DIP2B: variants seen among roughly 807,000 people sequenced by gnomAD.
DIP2B encodes the protein disco-interacting protein 2 homolog B.
Under a neutral mutation model 198.0 loss-of-function variants are expected in DIP2B, and 76 were observed. The ratio of observed to expected loss-of-function variants is 0.38; its 90% CI spans 0.32 to 0.46. The LOEUF (loss-of-function observed/expected upper bound fraction) is 0.46, where lower values mean the gene tolerates loss of function less well. DIP2B is among the 20% of genes least tolerant of loss of function. DIP2B has a pLI of 0.99. For synonymous variants in DIP2B, 701 were observed against 739.1 expected, an observed-to-expected ratio of 0.95 and a Z score of 0.84; for missense variants, 1,559 against 1,978.4, an observed-to-expected ratio of 0.79 and a Z score of 4.02.
intron 1 of DIP2B, among the ~76,000 whole-genome samples, chr12:50,519,226 G>A (rs1364595312): frequency 6.6e-6 from 1 of 152,120 alleles, no homozygotes; most frequent in Non-Finnish European, 1.5e-5. Flanking sequence ...CTTCATACCA[G>A]TATAACTACT....
intron 2 of DIP2B, among the ~76,000 whole-genome samples, chr12:50,638,231 C>G (rs1226575525): frequency 6.6e-6 from 1 of 152,182 alleles, no homozygotes; most frequent in African/African-American, 2.4e-5. Context: ...ATTTGTGAGT[C>G]TGGCAGCTTC....
At position 50,516,702 on chromosome 12, in the gene DIP2B, C is replaced by T. The variant is rs144295385; in HGVS notation, c.100+11462C>T. On this transcript the variant is annotated intron_variant, in intron 1 of 37. Transcript: ENST00000301180. ...AAAAATATTTTGTTTTGGCCGGACA[C>T]GGTGGCTCATGCTTATAATCCCAGC... Among the ~76,000 whole-genome samples, 721 of 151,790 alleles carry T rather than the reference C, an allele frequency of 4.7e-3. 8 individuals are homozygous for T. The highest frequency in any genetic ancestry group is 0.016 in the African/African-American group (679 of 41,436).
At chr12:50,626,359 A>T (rs116812844) in intron 2 of DIP2B, among the ~76,000 whole-genome samples, 11 of 152,232 alleles carry the variant, frequency 7.2e-5, no homozygotes, top group African/African-American at 2.4e-4. Context: ...CATCGTATTT[A>T]TGATGGTGCA....
At chr12:50,514,447 C>T (rs1470885162) in intron 1 of DIP2B, among the ~76,000 whole-genome samples, 1 of 152,164 alleles carries the variant, frequency 6.6e-6, no homozygotes. Context: ...GCAGACTCAT[C>T]TGTATCAGTT....
At chr12:50,732,908 CTTTT>C (rs889363693) in intron 32 of DIP2B, among the ~76,000 whole-genome samples, 1 of 146,782 alleles carries the variant, frequency 6.8e-6, no homozygotes, top group Non-Finnish European at 1.5e-5. Flanking sequence ...TTTCCTTTTT[CTTTT>C]TTTTTTTATT....
Position 50,505,106 on chromosome 12 carries a change from C to T in DIP2B, c.-35C>T, listed in dbSNP as rs548459577. The T allele has an allele frequency of 5.0e-5, 77 of 1,524,900 alleles. 2 individuals are homozygous for T. The South Asian group carries it at 8.7e-4, about 17-fold the overall frequency. 94.5% of individuals were successfully genotyped at this position (1,524,900 alleles called of 1,614,324 possible). The stretch of plus-strand genomic sequence containing the variant: ...CTGTCCGTCCCTCCTTCGGCCCCCT[C>T]TCTTGTCTTCCGGAGTGTGGCTGGC... On this transcript the variant is annotated 5_prime_UTR_variant, in exon 1 of 38. Coordinates refer to ENST00000301180, the MANE Select transcript of DIP2B (RefSeq NM_173602.3).
intron 2 of DIP2B, among the ~76,000 whole-genome samples, chr12:50,638,686 A>G (rs898782713): frequency 2.0e-5 from 3 of 152,112 alleles, no homozygotes; most frequent in African/African-American, 7.2e-5. Context: ...AACCATGGTC[A>G]GGGAATGATT....
In DIP2B at chr12:50,677,089, A is replaced by G. The variant is rs574173440; in HGVS notation, c.917-1590A>G. Among the ~76,000 whole-genome samples the G allele has an allele frequency of 4.6e-5, 7 of 152,316 alleles. No individual in the cohort carries two copies. The South Asian group carries it at 1.4e-3, about 32-fold the overall frequency. ...TTTGCCCATCTAAGATTTGTTGCTC[A>G]TTCTGTCCCTTCTCCCTTCCGTGCC... is the stretch of plus-strand genomic sequence containing the variant. On this transcript the variant is annotated intron_variant, in intron 7 of 37. Transcript: ENST00000301180.
At chr12:50,572,580 T>G (rs1958624012) in intron 1 of DIP2B, among the ~76,000 whole-genome samples, 1 of 152,184 alleles carries the variant, frequency 6.6e-6, no homozygotes, top group African/African-American at 2.4e-5. Context: ...AGGCTCAGTT[T>G]TGTTGAAGGG....
chr12:50,611,443 T>G (rs917720064), intron 1 of DIP2B, among the ~76,000 whole-genome samples: 2 of 152,226 alleles, frequency 1.3e-5, no homozygotes, highest in African/African-American at 2.4e-5. Context: ...GTTTAACATT[T>G]ATTCTTTTGC....
chr12:50,709,415 G>A (rs1214413793), intron 22 of DIP2B, among the ~76,000 whole-genome samples: 4 of 151,914 alleles, frequency 2.6e-5, no homozygotes, highest in Non-Finnish European at 5.9e-5. Flanking sequence ...GGCGGATCAC[G>A]AGGTCAGGAG....
At chr12:50,740,806 GAAA>G (rs1454570733) in intron 36 of DIP2B, among the ~76,000 whole-genome samples, 1 of 152,124 alleles carries the variant, frequency 6.6e-6, no homozygotes, top group Non-Finnish European at 1.5e-5. Flanking sequence ...AAGCTACCTA[GAAA>G]AAATGACACT....
chr12:50,711,997 A>AGAG (rs1416447330), intron 22 of DIP2B, among the ~76,000 whole-genome samples: 1 of 152,114 alleles, frequency 6.6e-6, no homozygotes, highest in African/African-American at 2.4e-5. Flanking sequence ...CCTTTGCTCT[A>AGAG]CAAAGAATAA....
chr12:50,643,333 G>A (rs2139490071), intron 3 of DIP2B, among the ~76,000 whole-genome samples: 1 of 151,148 alleles, frequency 6.6e-6, no homozygotes, highest in South Asian at 2.1e-4. Flanking sequence ...GCTGACTGTG[G>A]AGATTGTTGG....
intron 3 of DIP2B, among the ~76,000 whole-genome samples, chr12:50,643,405 C>CTGTGTGTGTGTGTGTGTGTGTG (rs57483938): frequency 4.6e-5 from 6 of 131,094 alleles, no homozygotes; most frequent in Non-Finnish European, 8.1e-5. Context: ...GGGAGTTTTT[C>CTGTGTGTGTGTGTGTGTGTGTG]TGTGTGTGTG....
intron 30 of DIP2B, among the ~76,000 whole-genome samples, chr12:50,729,777 T>C (rs555671118): frequency 6.6e-6 from 1 of 151,586 alleles, no homozygotes; most frequent in East Asian, 1.9e-4. Context: ...TTGCCCAGGC[T>C]GGAGTGCAGT....
At chr12:50,565,014 T>G (rs552593660) in intron 1 of DIP2B, among the ~76,000 whole-genome samples, 5 of 152,264 alleles carry the variant, frequency 3.3e-5, no homozygotes, top group African/African-American at 1.2e-4. Context: ...TGCCACTATT[T>G]TTTTTTTGGA....
At chr12:50,680,417 T>C in intron 8 of DIP2B, 1 of 338,304 alleles carries the variant, frequency 3.0e-6, no homozygotes, top group Non-Finnish European at 5.3e-6. Flanking sequence ...TTTGAAATAT[T>C]ATGTAAACCA....
chr12:50,732,929 G>A (rs1198151245), intron 32 of DIP2B, among the ~76,000 whole-genome samples: 2 of 151,572 alleles, frequency 1.3e-5, no homozygotes, highest in South Asian at 2.1e-4. Context: ...TATTTGAGAC[G>A]GAGCCTTGCT....
Sources: allele counts gnomAD v4.1 joint callset (sites outside exome capture counted in the v4.1 genomes callset), GRCh38; gene constraint gnomAD v4.1.1; transcripts MANE v1.5; gene names NCBI Gene and HGNC (gene_info 2026-07-23, HGNC 2026-07-21).